RBFOX1: variants seen among roughly 807,000 people sequenced by gnomAD.
RBFOX1 encodes RNA binding protein fox-1 homolog 1.
A neutral mutation model predicts 57.7 loss-of-function variants in RBFOX1; 8 were observed. The observed-to-expected ratio is 0.14, with a 90% confidence interval of 0.08 to 0.25. The LOEUF (loss-of-function observed/expected upper bound fraction) is 0.25. RBFOX1 is among the 10% of genes least tolerant of loss of function. RBFOX1 has a pLI of 1.00. For synonymous variants in RBFOX1, 326 were observed against 222.4 expected, an observed-to-expected ratio of 1.47 and a Z score of -4.15; for missense variants, 611 against 548.5, an observed-to-expected ratio of 1.11 and a Z score of -1.14.
intron 4 of RBFOX1, among the ~76,000 whole-genome samples, chr16:7,273,534 A>G (rs2095381306): frequency 6.6e-6 from 1 of 152,168 alleles, no homozygotes; most frequent in South Asian, 2.1e-4. Context: ...GCTCAGTACC[A>G]TAGACCAAGT....
At chr16:7,211,799 C>G (rs575465746) in intron 4 of RBFOX1, among the ~76,000 whole-genome samples, 57 of 152,256 alleles carry the variant, frequency 3.7e-4, no homozygotes, top group African/African-American at 1.1e-3. Context: ...TTGCTATGAG[C>G]TTTCACATCT....
At chr16:6,572,362 C>T (rs888562966) in intron 2 of RBFOX1, among the ~76,000 whole-genome samples, 3 of 152,096 alleles carry the variant, frequency 2.0e-5, no homozygotes, top group African/African-American at 7.2e-5. Flanking sequence ...GCTTTTAAAA[C>T]ATTAAAGGTT....
At chr16:5,830,378 T>G (rs2056221690) in intron 3 of RBFOX1, among the ~76,000 whole-genome samples, 2 of 151,864 alleles carry the variant, frequency 1.3e-5, no homozygotes, top group East Asian at 1.9e-4. Context: ...TTTTGCTTTT[T>G]GTTTTTTTTT....
intron 4 of RBFOX1, among the ~76,000 whole-genome samples, chr16:7,428,383 A>G (rs1158556484): frequency 7.0e-6 from 1 of 142,706 alleles, no homozygotes; most frequent in African/African-American, 2.6e-5. Context: ...CTGGAGTGCA[A>G]TGGCATGATC....
chr16:6,148,929 TTTCATTAAAAAATTC>T (rs1480166637), intron 1 of RBFOX1, among the ~76,000 whole-genome samples: 20 of 152,192 alleles, frequency 1.3e-4, no homozygotes, highest in African/African-American at 4.8e-4. Context: ...CTTGAAATTT[TTTCATTAAAAAATTC>T]CAAGGCTCAC....
At chr16:6,814,190 C>G (rs1271825540) in intron 3 of RBFOX1, among the ~76,000 whole-genome samples, 1 of 142,702 alleles carries the variant, frequency 7.0e-6, no homozygotes, top group Non-Finnish European at 1.5e-5. Flanking sequence ...ATTGCATGAT[C>G]AACATGATGA....
chr16:6,555,024 G>C (rs1352519313), intron 2 of RBFOX1, among the ~76,000 whole-genome samples: 6 of 152,074 alleles, frequency 3.9e-5, no homozygotes, highest in African/African-American at 1.5e-4. Context: ...TAGCATGGAG[G>C]AATGAGAAGC....
chr16:5,417,272 A>G (rs559564635), intron 1 of RBFOX1, among the ~76,000 whole-genome samples: 1 of 152,350 alleles, frequency 6.6e-6, no homozygotes, highest in Admixed American at 6.5e-5. Context: ...AAGGAAATCA[A>G]TGTGTCCGAA....
At chr16:5,634,101 C>G (rs2048606977) in intron 3 of RBFOX1, among the ~76,000 whole-genome samples, 2 of 152,168 alleles carry the variant, frequency 1.3e-5, no homozygotes, top group Admixed American at 1.3e-4. Flanking sequence ...CCAAATGATC[C>G]TTACCCTTTA....
At chr16:6,829,175 C>T (rs12934123) in intron 3 of RBFOX1, among the ~76,000 whole-genome samples, 2 of 149,132 alleles carry the variant, frequency 1.3e-5, no homozygotes, top group African/African-American at 2.5e-5. Flanking sequence ...TTCAAGAAAC[C>T]AAAGAAATGT....
chr16:7,560,313 A>G (rs780000906), intron 5 of RBFOX1, among the ~76,000 whole-genome samples: 1 of 152,220 alleles, frequency 6.6e-6, no homozygotes. Context: ...TAGACGTGAC[A>G]GGTGCCTGCA....
intron 4 of RBFOX1, among the ~76,000 whole-genome samples, chr16:7,271,284 C>T (rs796130179): frequency 6.6e-6 from 1 of 151,886 alleles, no homozygotes; most frequent in African/African-American, 2.4e-5. Context: ...TGAGAACATT[C>T]ACAGGCATCT....
Position 7,711,605 on chromosome 16 carries a change from CTTT to C in RBFOX1, c.*865_*867del, listed in dbSNP as rs1275689405. ...AAAAAAGCACTGTTTCTATTTTTTT[CTTT>C]TTTTCCAAAAAAAGAAAGTAATAAA... On this transcript the variant is annotated 3_prime_UTR_variant, in exon 16 of 16. Transcript: ENST00000550418. The C allele has an allele frequency of 2.6e-5, 4 of 151,826 alleles. No homozygotes were observed. The highest frequency in any genetic ancestry group is 5.9e-5 in the Non-Finnish European group (4 of 67,830). 9.4% of individuals were successfully genotyped at this position (151,826 alleles called of 1,614,324 possible). A position where few individuals can be genotyped will look rare whatever the true frequency, so the allele number is the denominator to read the frequency against.
intron 4 of RBFOX1, among the ~76,000 whole-genome samples, chr16:7,214,024 C>T (rs547227047): frequency 2.0e-5 from 3 of 152,176 alleles, no homozygotes; most frequent in South Asian, 2.1e-4. Context: ...AATTTGACCT[C>T]TCCCCTTTGC....
At chr16:7,076,848 T>C (rs1009172301) in intron 4 of RBFOX1, among the ~76,000 whole-genome samples, 2 of 152,220 alleles carry the variant, frequency 1.3e-5, no homozygotes, top group Non-Finnish European at 1.5e-5. Context: ...CACAGTTTCT[T>C]GTACAATTTA....
At chr16:5,501,367 A>G (rs563543147) in intron 2 of RBFOX1, among the ~76,000 whole-genome samples, 14 of 150,592 alleles carry the variant, frequency 9.3e-5, no homozygotes, top group African/African-American at 3.2e-4. Flanking sequence ...TCAATTATCT[A>G]TTCCCCAGCC....
At chr16:6,284,755 C>T (rs1004250013) in intron 1 of RBFOX1, among the ~76,000 whole-genome samples, 6 of 152,082 alleles carry the variant, frequency 3.9e-5, no homozygotes, top group African/African-American at 1.4e-4. Context: ...AAATTATTTT[C>T]CCTTCTCAGT....
At chr16:7,601,741 G>T (rs1378866335) in intron 9 of RBFOX1, among the ~76,000 whole-genome samples, 1 of 152,294 alleles carries the variant, frequency 6.6e-6, no homozygotes, top group Non-Finnish European at 1.5e-5. Context: ...GTTGAATGCA[G>T]TAGCCCTTGA....
intron 6 of RBFOX1, among the ~76,000 whole-genome samples, chr16:7,580,655 A>G (rs573321308): frequency 1.5e-4 from 23 of 152,316 alleles, no homozygotes; most frequent in South Asian, 2.1e-4. Flanking sequence ...TGCTTTTTTT[A>G]TAGGTCATCT....
Sources: gnomAD v4.1 joint callset for allele counts (sites outside exome capture counted in the v4.1 genomes callset) on GRCh38, gnomAD v4.1.1 for gene constraint, MANE v1.5 for transcripts, NCBI Gene and HGNC (gene_info 2026-07-23, HGNC 2026-07-21) for gene names.